The following RORB variants were observed in gnomAD, a reference collection of about 807,000 sequenced individuals.
RORB encodes RAR related orphan receptor B, also known as nuclear receptor ROR-beta.
RORB carries 6 observed loss-of-function variants against 59.1 expected under a neutral mutation model. That is an observed-to-expected ratio of 0.10 (90% CI 0.06 to 0.20). The LOEUF (loss-of-function observed/expected upper bound fraction) is 0.20, where lower values mean the gene tolerates loss of function less well. RORB is among the 10% of genes least tolerant of loss of function. The probability of loss-of-function intolerance (pLI) is 1.00; values close to 1 mark genes in which losing one functional copy is unlikely to be tolerated. For synonymous variants in RORB, 215 were observed against 204.5 expected (o/e 1.05, Z -0.44); for missense variants, 320 against 560.5 (o/e 0.57, Z 4.33).
chr9:74,674,145 C>G (rs2118553354), intron 9 of RORB, among the ~76,000 whole-genome samples: 1 of 152,158 alleles, frequency 6.6e-6, no homozygotes, highest in African/African-American at 2.4e-5. Context: ...CATCAAATTC[C>G]CCAAAAGGAA....
intron 6 of RORB, among the ~76,000 whole-genome samples, chr9:74,662,956 G>A (rs1043798126): frequency 7.9e-5 from 12 of 151,412 alleles, no homozygotes; most frequent in Admixed American, 5.9e-4. Flanking sequence ...AAAAAAAAAT[G>A]CAGGCTAGCT....
At chr9:74,596,149 A>T (rs189373611) in intron 1 of RORB, among the ~76,000 whole-genome samples, 387 of 152,272 alleles carry the variant, frequency 2.5e-3, no homozygotes, top group Non-Finnish European at 4.5e-3. Context: ...CTTGAAATCC[A>T]GTCATTTTCT....
chr9:74,523,602 G>A lies in RORB; in HGVS notation c.7+25619G>A, dbSNP rs1468497323. Among the ~76,000 whole-genome samples, 3 of 151,970 alleles carry A rather than the reference G, an allele frequency of 2.0e-5. No homozygotes were observed. In the East Asian group the frequency reaches 5.8e-4, roughly 30 times the overall value. On this transcript the variant is annotated intron_variant, in intron 1 of 9. Coordinates refer to ENST00000376896, the MANE Select transcript of RORB (RefSeq NM_006914.4). ...AACAATTCACAACTAAAGGACTCAA[G>A]CCAGAGCTTTCAAAATAAACTCGTT... is the stretch of plus-strand genomic sequence containing the variant.
rs181341123 is a variant in RORB, at chr9:74,553,206, G to T, written c.7+55223G>T. On this transcript the variant is annotated intron_variant, in intron 1 of 9. Transcript: ENST00000376896. Reference sequence around the variant, plus strand: ...TTCGGTAGTCCTGGCGGGAGCAGATGGGTTTTAACAATTATTTTTCTTCCT... The same window carrying T: ...TTCGGTAGTCCTGGCGGGAGCAGATTGGTTTTAACAATTATTTTTCTTCCT... Among the ~76,000 whole-genome samples, 204 of 152,244 alleles carry T rather than the reference G, an allele frequency of 1.3e-3. 1 individual carries two copies. The highest frequency in any genetic ancestry group is 4.6e-3 in the African/African-American group (191 of 41,540).
At position 74,648,760 on chromosome 9, in the gene RORB, T is replaced by C. The variant is rs573693695; in HGVS notation, c.637+5945T>C. ...AAACAAGAAATCAGATTAAAATGAA[T>C]GTCAAGGACAACCAGGAGCAGCTCA... On this transcript the variant is annotated intron_variant, in intron 4 of 9. Transcript: ENST00000376896. Among the ~76,000 whole-genome samples, 15 of 152,216 alleles carry C rather than the reference T, an allele frequency of 9.9e-5. No individual in the cohort carries two copies. The South Asian group carries it at 3.1e-3, about 32-fold the overall frequency.
chr9:74,607,574 C>G (rs1823166662), intron 1 of RORB, among the ~76,000 whole-genome samples: 1 of 149,844 alleles, frequency 6.7e-6, no homozygotes, highest in Admixed American at 6.8e-5. Context: ...CATATAGACA[C>G]ATGTTTATAC....
rs1324909773 is a variant in RORB, at chr9:74,547,207, G to GATC, written c.7+49227_7+49229dup. 2.0e-5 allele frequency among the ~76,000 whole-genome samples: 3 copies of GATC among 152,220 alleles called. No individual in the cohort carries two copies. In the East Asian group the frequency reaches 5.8e-4, roughly 29 times the overall value. ...ACTATAAGAAAATATGTATGAGAGA[G>GATC]ATCATTGATGAAGCATGGCACAGAG... On this transcript the variant is annotated intron_variant, in intron 1 of 9. Transcript: ENST00000376896.
intron 1 of RORB, among the ~76,000 whole-genome samples, chr9:74,554,507 G>A (rs1398859143): frequency 1.3e-5 from 2 of 151,948 alleles, no homozygotes; most frequent in East Asian, 3.9e-4. Context: ...GTTTAGCCAT[G>A]GCTAAACCTT....
chr9:74,617,266 T>G (rs1339776725), intron 1 of RORB, among the ~76,000 whole-genome samples: 2 of 152,196 alleles, frequency 1.3e-5, no homozygotes, highest in African/African-American at 4.8e-5. Flanking sequence ...ATTCAAATAT[T>G]ACTATAGATC....
chr9:74,582,205 T>A (rs1317995643), intron 1 of RORB, among the ~76,000 whole-genome samples: 1 of 152,192 alleles, frequency 6.6e-6, no homozygotes, highest in African/African-American at 2.4e-5. Context: ...ATAACCATAC[T>A]TAGTTGTTTA....
chr9:74,566,715 T>G (rs10781236), intron 1 of RORB, among the ~76,000 whole-genome samples: 61,762 of 152,106 alleles, frequency 0.41, 13,739 homozygotes, highest in East Asian at 0.77. Context: ...AAGAATCACT[T>G]GAATCCAGGA....
chr9:74,600,737 C>T (rs1433733323), intron 1 of RORB, among the ~76,000 whole-genome samples: 2 of 152,126 alleles, frequency 1.3e-5, no homozygotes, highest in Non-Finnish European at 2.9e-5. Context: ...AGTATAAGTC[C>T]TATTTTATCA....
chr9:74,578,421 G>T (rs1822669493), intron 1 of RORB, among the ~76,000 whole-genome samples: 1 of 152,088 alleles, frequency 6.6e-6, no homozygotes, highest in Non-Finnish European at 1.5e-5. Context: ...AGTAAAGTAT[G>T]TTTAGGTTTA....
At chr9:74,556,840 C>T (rs993516414) in intron 1 of RORB, among the ~76,000 whole-genome samples, 2 of 152,066 alleles carry the variant, frequency 1.3e-5, no homozygotes, top group African/African-American at 4.8e-5. Context: ...TATTTTCACA[C>T]CATCCTGCTA....
chr9:74,613,933 T>A (rs767361173), intron 1 of RORB, among the ~76,000 whole-genome samples: 1 of 152,242 alleles, frequency 6.6e-6, no homozygotes. Flanking sequence ...CTGTGTAGTA[T>A]TTCATGGTAT....
intron 1 of RORB, among the ~76,000 whole-genome samples, chr9:74,514,262 A>T (rs1054719822): frequency 6.6e-6 from 1 of 152,082 alleles, no homozygotes; most frequent in Admixed American, 6.6e-5. Flanking sequence ...CCTCAAAGAG[A>T]CACTTCAGTA....
Position 74,607,653 on chromosome 9 carries a change from T to C in RORB, c.8-22629T>C, listed in dbSNP as rs143732356. 3.6e-3 allele frequency among the ~76,000 whole-genome samples: 544 copies of C among 152,148 alleles called. 8 individuals are homozygous for C. The highest frequency in any genetic ancestry group is 0.016 in the East Asian group (81 of 5,182). ...ATTCATAAGTACATAAGTATATCTATATACATATATACATGTATTCATATA... is the reference window on the plus strand; with the variant it reads ...ATTCATAAGTACATAAGTATATCTACATACATATATACATGTATTCATATA... On this transcript the variant is annotated intron_variant, in intron 1 of 9. Transcript: ENST00000376896.
rs60613653 is a variant in RORB at position 74,604,708 on chromosome 9, T to C, written c.8-25574T>C. On this transcript the variant is annotated intron_variant, in intron 1 of 9. Transcript: ENST00000376896. ...ATTTTTATCTCAGCCCAGGAAAAAA[T>C]AAATTGTTTAAATAAGGTAGAAGAA... is the stretch of plus-strand genomic sequence containing the variant. Among the ~76,000 whole-genome samples the C allele has an allele frequency of 2.2e-3, 332 of 152,260 alleles. 1 individual carries two copies. The highest frequency in any genetic ancestry group is 7.5e-3 in the African/African-American group (310 of 41,546).
intron 1 of RORB, among the ~76,000 whole-genome samples, chr9:74,604,136 C>T (rs1229148524): frequency 6.6e-6 from 1 of 152,150 alleles, no homozygotes; most frequent in East Asian, 1.9e-4. Flanking sequence ...GATCTAGAAT[C>T]TCCAATAAGG....
Sources: allele counts gnomAD v4.1 joint callset (sites outside exome capture counted in the v4.1 genomes callset), GRCh38; gene constraint gnomAD v4.1.1; transcripts MANE v1.5; gene names NCBI Gene and HGNC (gene_info 2026-07-23, HGNC 2026-07-21).